KCNT1: variants seen among roughly 807,000 people sequenced by gnomAD.
The protein encoded by KCNT1 is potassium sodium-activated channel subfamily T member 1, also known as potassium channel subfamily T member 1.
KCNT1 carries 78 observed loss-of-function variants against 147.8 expected under a neutral mutation model. The observed-to-expected ratio is 0.53, with a 90% CI of 0.44 to 0.64. The LOEUF (loss-of-function observed/expected upper bound fraction) is 0.64. Among genes scored for constraint, KCNT1 ranks in the 30% least tolerant of loss-of-function variants. KCNT1 has a pLI of 0.00. For synonymous variants in KCNT1, 867 were observed against 748.8 expected, an observed-to-expected ratio of 1.16 and a Z score of -2.58; for missense variants, 1,419 against 1,750.3, an observed-to-expected ratio of 0.81 and a Z score of 3.38.
At chr9:135,758,127 A>T (rs1352906484) in intron 9 of KCNT1, among the ~76,000 whole-genome samples, 1 of 145,786 alleles carries the variant, frequency 6.9e-6, no homozygotes, top group African/African-American at 2.6e-5. Context: ...GCCGAGACAC[A>T]GGTGTGGCCG....
At chr9:135,770,641 C>T (rs992833445) in intron 17 of KCNT1, among the ~76,000 whole-genome samples, 194 bp downstream of exon 17, 8 of 152,202 alleles carry the variant, frequency 5.3e-5, no homozygotes, top group Non-Finnish European at 1.2e-4. Context: ...ACCTGCCACG[C>T]GGCTCCTCCC....
chr9:135,776,066 A>G (rs1833149623), intron 20 of KCNT1, among the ~76,000 whole-genome samples: 1 of 151,730 alleles, frequency 6.6e-6, no homozygotes, highest in Admixed American at 6.6e-5. Context: ...TCGGGGGTCA[A>G]TTGTCAGGTC....
At chr9:135,747,304 G>A (rs983806940) in intron 2 of KCNT1, among the ~76,000 whole-genome samples, 3 of 151,978 alleles carry the variant, frequency 2.0e-5, no homozygotes, top group South Asian at 2.1e-4. Context: ...CAGACCCCCC[G>A]CGTTGAGGCT....
At chr9:135,766,391 GGGGTGGACCATTCAAGGTGGACCATCTA>G (rs1348386560) in intron 13 of KCNT1, among the ~76,000 whole-genome samples, 4 of 151,634 alleles carry the variant, frequency 2.6e-5, no homozygotes, top group Admixed American at 6.6e-5. Flanking sequence ...TGGATCATCT[GGGGTGGACCATTCAAGGTGGACCATCTA>G]GGGTGGACCA....
In KCNT1 at chr9:135,777,379, G is replaced by A. The variant is rs2131543508; in HGVS notation, c.2391G>A (p.Gly797=). The change falls in exon 21 of 31, where the codon GGG becomes GGA. Residue 797 remains glycine, a synonymous_variant. Transcript: ENST00000371757. ...HNSYEDAKAY[G]FKNKLIIVSA... Reference sequence around the variant, plus strand: ...GCTATGAAGACGCCAAGGCCTACGGGTTCAAGAACAAGCTGATCATCGTCT... The same window carrying A: ...GCTATGAAGACGCCAAGGCCTACGGATTCAAGAACAAGCTGATCATCGTCT... The A allele has an allele frequency of 6.2e-7, 1 of 1,614,084 alleles. No homozygotes were observed. The highest frequency in any genetic ancestry group is 1.1e-5 in the South Asian group (1 of 91,088).
chr9:135,772,379 C>T (rs1393568917), intron 18 of KCNT1, among the ~76,000 whole-genome samples: 1 of 152,174 alleles, frequency 6.6e-6, no homozygotes, highest in Non-Finnish European at 1.5e-5. Flanking sequence ...GCCTGACCAG[C>T]TGCACAGGCC....
At chr9:135,735,593 G>T (rs1285061421) in intron 2 of KCNT1, among the ~76,000 whole-genome samples, 3 of 152,180 alleles carry the variant, frequency 2.0e-5, no homozygotes, top group Non-Finnish European at 4.4e-5. Context: ...TCTGGTGTGA[G>T]TTTGGGGCGG....
intron 1 of KCNT1, among the ~76,000 whole-genome samples, chr9:135,707,133 A>G (rs1026838307): frequency 6.6e-6 from 1 of 152,056 alleles, no homozygotes; most frequent in Non-Finnish European, 1.5e-5. Context: ...AAAAAAAAAA[A>G]AAATTAAAAA....
At chr9:135,711,627 G>A (rs370232177) in intron 1 of KCNT1, among the ~76,000 whole-genome samples, 17 of 152,226 alleles carry the variant, frequency 1.1e-4, no homozygotes, top group African/African-American at 3.9e-4. Context: ...GTCAGTGCAC[G>A]TGACTACGTG....
chr9:135,793,908 G>C lies in KCNT1; in HGVS notation c.*1747G>C, dbSNP rs1002397514. 1 of 152,388 alleles carries C rather than the reference G, an allele frequency of 6.6e-6. No homozygotes were observed. The allele number at this position is 152,388 out of a possible 1,614,324, so 9.4% of individuals were successfully genotyped here. On this transcript the variant is annotated 3_prime_UTR_variant, in exon 31 of 31. Transcript: ENST00000371757. ...TCCCAGCAGGGCTGGGGTCTATCACGTTCCTGGGATCCAAGCAGCGAGCAC... is the reference window on the plus strand; with the variant it reads ...TCCCAGCAGGGCTGGGGTCTATCACCTTCCTGGGATCCAAGCAGCGAGCAC...
chr9:135,778,605 C>T, intron 22 of KCNT1, 83 bp from the exon 23 acceptor site: 1 of 1,603,976 alleles, frequency 6.2e-7, no homozygotes, highest in Middle Eastern at 1.7e-4. Context: ...CTGAGGTCCT[C>T]CTGCCTTCTG....
intron 11 of KCNT1, among the ~76,000 whole-genome samples, chr9:135,760,668 G>C (rs1477277331): frequency 2.0e-5 from 3 of 152,164 alleles, no homozygotes; most frequent in Non-Finnish European, 2.9e-5. Context: ...CGTGGCCCAG[G>C]TATGGGCCCA....
chr9:135,752,442 C>G lies in KCNT1; in HGVS notation c.434+1401C>G, dbSNP rs543201886. 2 of 456,444 alleles carry G rather than the reference C, an allele frequency of 4.4e-6. No homozygotes were observed. Among genetic ancestry groups the G allele is most frequent in the African/African-American group, 2.0e-5 (1 of 50,066 alleles). The allele number at this position is 456,444 out of a possible 1,614,324, so 28.3% of individuals were successfully genotyped here. On this transcript the variant is annotated intron_variant, in intron 4 of 30. Coordinates refer to ENST00000371757, the MANE Select transcript of KCNT1 (RefSeq NM_020822.3). The surrounding 1 kb of genome is among the most constrained non-coding windows in gnomAD (Gnocchi z 5.1). ...GGAGAACTGGGCCCTGACTGACTCT[C>G]AAGCTACTTTCCTAGGTCACTCCCC...
chr9:135,722,116 G>A (rs1205559094), intron 2 of KCNT1, among the ~76,000 whole-genome samples: 1 of 152,172 alleles, frequency 6.6e-6, no homozygotes, highest in Non-Finnish European at 1.5e-5. Context: ...TGGCTGTGGG[G>A]GCATGGAGGA....
chr9:135,723,699 C>T (rs1836017269), intron 2 of KCNT1, among the ~76,000 whole-genome samples: 1 of 152,228 alleles, frequency 6.6e-6, no homozygotes, highest in Non-Finnish European at 1.5e-5. Flanking sequence ...GCATCTAGAG[C>T]TGTCCCGGGA....
chr9:135,702,310 C>G lies in KCNT1; in HGVS notation c.52C>G (p.Arg18Gly). Residue 18 changes from arginine to glycine, a missense_variant, in exon 1 of 31, where the codon CGC becomes GGC. Physicochemically the swap from Arg to Gly is moderately radical, Grantham distance 125 (BLOSUM62 -2). Transcript: ENST00000371757. ...CCCGGGGGGCGTCTGCCGGGAGGCGCGCGGCGGGGGCTACACCAACCGGAC... is the reference window on the plus strand; with the variant it reads ...CCCGGGGGGCGTCTGCCGGGAGGCGGGCGGCGGGGGCTACACCAACCGGAC... ...RTPGGVCREA[R>G]GGGYTNRTFE... The G allele has an allele frequency of 1.2e-6, 2 of 1,610,498 alleles. No individual in the cohort carries two copies. Among genetic ancestry groups the G allele is most frequent in the Non-Finnish European group, 1.7e-6 (2 of 1,178,766 alleles).
chr9:135,779,366 C>T lies in KCNT1; in HGVS notation c.2737C>T (p.Pro913Ser). 1 of 1,612,736 alleles carries T rather than the reference C, an allele frequency of 6.2e-7. No individual in the cohort carries two copies. The highest frequency in any genetic ancestry group is 8.5e-7 in the Non-Finnish European group (1 of 1,179,092). The change falls in exon 24 of 31, where the codon CCC becomes TCC. Residue 913 changes from proline (P) to serine (S), a missense_variant. Physicochemically the swap from Pro to Ser is moderately conservative, Grantham distance 74 (BLOSUM62 -1). Coordinates refer to ENST00000371757, the MANE Select transcript of KCNT1 (RefSeq NM_020822.3). Reference protein sequence around the residue: ...VNVQTMFRLFPSLSITTELTH... With the variant: ...VNVQTMFRLFSSLSITTELTH... ...GCCGCCTGCCTCCCCCAGGCTCTTC[C>T]CCAGCCTCAGCATCACCACGGAGCT... is the stretch of plus-strand genomic sequence containing the variant.
chr9:135,774,466 C>T (rs1413073118), intron 19 of KCNT1, among the ~76,000 whole-genome samples: 1 of 134,380 alleles, frequency 7.4e-6, no homozygotes, highest in Non-Finnish European at 1.6e-5. Flanking sequence ...TGTTGTGTGT[C>T]CGTGTGTGGT....
intron 5 of KCNT1, among the ~76,000 whole-genome samples, chr9:135,754,608 T>C (rs1483933010): frequency 6.6e-6 from 1 of 152,188 alleles, no homozygotes; most frequent in African/African-American, 2.4e-5. Context: ...GATGGCCCCC[T>C]GCAGCCATGC....
Sources: gnomAD v4.1 joint callset for allele counts (sites outside exome capture counted in the v4.1 genomes callset) on GRCh38, gnomAD v4.1.1 for gene constraint, Gnocchi (gnomAD v3.1) non-coding constraint, MANE v1.5 for transcripts, NCBI Gene and HGNC (gene_info 2026-07-23, HGNC 2026-07-21) for gene names.